The following CHIC1 variants were observed in gnomAD, a reference collection of about 807,000 sequenced individuals.
CHIC1 encodes cysteine-rich hydrophobic domain-containing protein 1.
A neutral mutation model predicts 18.5 loss-of-function variants in CHIC1; 7 were observed. The ratio of observed to expected loss-of-function variants is 0.38; its 90% confidence interval spans 0.22 to 0.71. The LOEUF (loss-of-function observed/expected upper bound fraction) is 0.71. Ranked by LOEUF, CHIC1 falls within the 30% of genes least tolerant of loss-of-function variation. The probability of loss-of-function intolerance (pLI) is 0.49; values close to 1 mark genes in which losing one functional copy is unlikely to be tolerated. For missense variants in CHIC1, 159 were observed against 176.9 expected (o/e 0.90, Z 0.57); for synonymous variants, 77 against 73.5 (o/e 1.05, Z -0.25).
At chrX:73,572,289 G>A (rs1264064207) in intron 1 of CHIC1, among the ~76,000 whole-genome samples, 5 of 111,195 alleles carry the variant, frequency 4.5e-5, no homozygotes, top group African/African-American at 1.6e-4. Context: ...CAAAGAACAT[G>A]ATTTTGTTCT....
intron 3 of CHIC1, among the ~76,000 whole-genome samples, chrX:73,644,447 GCTGT>G (rs1317817714): frequency 8.9e-6 from 1 of 112,544 alleles, no homozygotes; most frequent in African/African-American, 3.2e-5. Flanking sequence ...AGAGGTTACT[GCTGT>G]CTTTTTGTTT....
intron 3 of CHIC1, among the ~76,000 whole-genome samples, chrX:73,601,793 A>T (rs1210513872): frequency 9.3e-6 from 1 of 108,010 alleles, no homozygotes; most frequent in Non-Finnish European, 1.9e-5. Flanking sequence ...TGAAAGGATC[A>T]ACAAAATTGA....
chrX:73,655,359 C>T (rs1247235678), intron 3 of CHIC1, among the ~76,000 whole-genome samples: 1 of 99,751 alleles, frequency 1.0e-5, no homozygotes, highest in Non-Finnish European at 2.0e-5. Flanking sequence ...CATACAAACA[C>T]TATATACACA....
chrX:73,564,078 C>T (rs946964667), intron 1 of CHIC1, among the ~76,000 whole-genome samples: 2 of 111,938 alleles, frequency 1.8e-5, no homozygotes, highest in Non-Finnish European at 3.8e-5. Flanking sequence ...TTCTTCCTAT[C>T]GAATCCTTCC....
chrX:73,621,575 A>G (rs1356769761), intron 3 of CHIC1, among the ~76,000 whole-genome samples: 1 of 112,314 alleles, frequency 8.9e-6, no homozygotes, highest in Non-Finnish European at 1.9e-5. Flanking sequence ...GAAGTTGCTT[A>G]TCAGCTGAAG....
At chrX:73,585,393 T>C (rs1230552573) in intron 3 of CHIC1, among the ~76,000 whole-genome samples, 1 of 111,381 alleles carries the variant, frequency 9.0e-6, no homozygotes, top group Non-Finnish European at 1.9e-5. Flanking sequence ...TATTGCCAAC[T>C]CTATGACTCT....
At chrX:73,625,184 G>A (rs1194867715) in intron 3 of CHIC1, among the ~76,000 whole-genome samples, 2 of 110,930 alleles carry the variant, frequency 1.8e-5, no homozygotes, top group Non-Finnish European at 3.8e-5. Flanking sequence ...CTGGTTGCAT[G>A]GGGGACCTGA....
chrX:73,566,382 A>G lies in CHIC1; in HGVS notation c.296+2802A>G, dbSNP rs1215863552. Among the ~76,000 whole-genome samples, 6 of 109,670 alleles carry G rather than the reference A, an allele frequency of 5.5e-5. No homozygotes were observed. The East Asian group carries it at 8.7e-4, about 16-fold the overall frequency. On this transcript the variant is annotated intron_variant, in intron 1 of 5. Coordinates refer to ENST00000373502, the MANE Select transcript of CHIC1 (RefSeq NM_001039840.4). ...TGAGTTTCTGTGCCATCTTCCTTCA[A>G]TCTCAGAGTTCAAGGAGACCCTCCA... is the stretch of plus-strand genomic sequence containing the variant.
intron 3 of CHIC1, among the ~76,000 whole-genome samples, chrX:73,674,627 C>T (rs1267656183): frequency 9.0e-6 from 1 of 111,441 alleles, no homozygotes; most frequent in Non-Finnish European, 1.9e-5. Flanking sequence ...TCTCTCTTTT[C>T]TTTTTTATTA....
chrX:73,629,015 A>G (rs1033815469), intron 3 of CHIC1, among the ~76,000 whole-genome samples: 5 of 111,476 alleles, frequency 4.5e-5, no homozygotes, highest in African/African-American at 1.3e-4. Flanking sequence ...AATAATAGGC[A>G]TCCTAATAGG....
chrX:73,627,573 C>G (rs2057789523), intron 3 of CHIC1, among the ~76,000 whole-genome samples: 1 of 112,305 alleles, frequency 8.9e-6, no homozygotes, highest in Non-Finnish European at 1.9e-5. Context: ...GAGCTTGACC[C>G]CATAGCCACT....
intron 3 of CHIC1, among the ~76,000 whole-genome samples, chrX:73,632,622 T>C (rs942087931): frequency 2.7e-5 from 3 of 110,709 alleles, no homozygotes; most frequent in Non-Finnish European, 5.7e-5. Flanking sequence ...GGTTTTATTC[T>C]TTGGAAGTTA....
intron 3 of CHIC1, among the ~76,000 whole-genome samples, chrX:73,603,433 GT>G (rs1216110064): frequency 9.3e-6 from 1 of 107,913 alleles, no homozygotes; most frequent in Non-Finnish European, 1.9e-5. Context: ...ATATACAATC[GT>G]GTCGTCTGCA....
At position 73,681,640 on chromosome X, in the gene CHIC1, A is replaced by C. The variant is rs1462816090; in HGVS notation, c.*635A>C. On this transcript the variant is annotated 3_prime_UTR_variant, in exon 6 of 6. Coordinates refer to ENST00000373502, the MANE Select transcript of CHIC1 (RefSeq NM_001039840.4). Reference sequence around the variant, plus strand: ...GTAACATTACTCTTATTGTATTGCCAACAATTTTACATAGATTTTAATATG... The same window carrying C: ...GTAACATTACTCTTATTGTATTGCCCACAATTTTACATAGATTTTAATATG... 3 of 112,278 alleles carry C rather than the reference A, an allele frequency of 2.7e-5. No individual in the cohort carries two copies. The highest frequency in any genetic ancestry group is 5.7e-5 in the Non-Finnish European group (3 of 52,925). 9.3% of individuals were successfully genotyped at this position (112,278 alleles called of 1,213,427 possible).
intron 3 of CHIC1, among the ~76,000 whole-genome samples, chrX:73,658,091 G>A (rs944029239): frequency 7.3e-5 from 8 of 109,187 alleles, no homozygotes; most frequent in Admixed American, 3.0e-4. Context: ...TTGTTGTTGT[G>A]TATCTGCCAT....
chrX:73,669,071 G>A (rs765458948), intron 3 of CHIC1, among the ~76,000 whole-genome samples: 46 of 111,992 alleles, frequency 4.1e-4, no homozygotes, highest in African/African-American at 1.5e-3. Flanking sequence ...AGTGGATCAG[G>A]GTCCCACTTA....
rs780034439 is a variant in CHIC1 at position 73,652,322 on chromosome X, A to G, written c.508-27004A>G. 2.2e-4 allele frequency among the ~76,000 whole-genome samples: 25 copies of G among 112,426 alleles called. 1 individual carries two copies. The South Asian group carries it at 5.9e-3, about 27-fold the overall frequency. On this transcript the variant is annotated intron_variant, in intron 3 of 5. Transcript: ENST00000373502. Reference sequence around the variant, plus strand: ...AGGCAATAACATTCAGGACATAGGCATGGGCAAAGACTTCATGACATAAAC... The same window carrying G: ...AGGCAATAACATTCAGGACATAGGCGTGGGCAAAGACTTCATGACATAAAC...
At chrX:73,567,706 C>T (rs1603339252) in intron 1 of CHIC1, among the ~76,000 whole-genome samples, 2 of 110,816 alleles carry the variant, frequency 1.8e-5, no homozygotes, top group African/African-American at 6.6e-5. Context: ...GACTAAGCTC[C>T]ATAACAGAGC....
At chrX:73,612,488 A>T (rs1289993932) in intron 3 of CHIC1, among the ~76,000 whole-genome samples, 2 of 111,468 alleles carry the variant, frequency 1.8e-5, no homozygotes, top group African/African-American at 6.5e-5. Context: ...TGTATCCCAT[A>T]GGTTTTGGTA....
Sources: gnomAD v4.1 joint callset for allele counts (sites outside exome capture counted in the v4.1 genomes callset) on GRCh38, gnomAD v4.1.1 for gene constraint, MANE v1.5 for transcripts, NCBI Gene and HGNC (gene_info 2026-07-23, HGNC 2026-07-21) for gene names.